The following REV3L variants were observed in gnomAD, a reference collection of about 807,000 sequenced individuals.
REV3L encodes REV3 like, DNA directed polymerase zeta catalytic subunit.
REV3L carries 69 observed loss-of-function variants against 299.4 expected under a neutral mutation model. The ratio of observed to expected loss-of-function variants is 0.23; its 90% CI spans 0.19 to 0.28. REV3L has a LOEUF of 0.28. REV3L is among the 10% of genes least tolerant of loss of function. REV3L has a pLI of 1.00. For synonymous variants in REV3L, 1,238 were observed against 1,271.4 expected, an observed-to-expected ratio of 0.97 and a Z score of 0.56; for missense variants, 3,128 against 3,693.8, an observed-to-expected ratio of 0.85 and a Z score of 3.97.
chr6:111,375,882 T>C lies in REV3L; in HGVS notation c.2473A>G (p.Asn825Asp). 6.2e-7 allele frequency: 1 copy of C among 1,614,016 alleles called. No individual in the cohort carries two copies. Among genetic ancestry groups the C allele is most frequent in the Non-Finnish European group, 8.5e-7 (1 of 1,179,918 alleles). The change falls in exon 13 of 32, where the codon AAT becomes GAT. Residue 825 changes from asparagine (N) to aspartate (D), a missense_variant. Asn to Asp is a conservative substitution (Grantham distance 23). Transcript: ENST00000368802. Reference sequence around the variant, plus strand: ...TTCAATTTTAACCGGGATGGTTTATTGCCAGGTTGTAATTTATATGTGACA... The same window carrying C: ...TTCAATTTTAACCGGGATGGTTTATCGCCAGGTTGTAATTTATATGTGACA... Reference protein sequence around the residue: ...SPVTYKLQPGNKPSRLKLNKR... With the variant: ...SPVTYKLQPGDKPSRLKLNKR...
At chr6:111,456,580 A>G (rs1024752513) in intron 1 of REV3L, among the ~76,000 whole-genome samples, 1 of 152,192 alleles carries the variant, frequency 6.6e-6, no homozygotes, top group African/African-American at 2.4e-5. Context: ...TGTAGAGTAT[A>G]ATGTATCAAG....
Position 111,374,335 on chromosome 6 carries a change from A to G in REV3L, c.4020T>C (p.His1340=). 2 of 1,614,010 alleles carry G rather than the reference A, an allele frequency of 1.2e-6. No individual in the cohort carries two copies. Among genetic ancestry groups the G allele is most frequent in the East Asian group, 4.5e-5 (2 of 44,876 alleles). ...GVSKINVQRP[H]NQSAMFTLKE... ...TTAGAGTAAACATAGCACTTTGATT[A>G]TGAGGCCTTTGAACATTAATTTTTG... The change falls in exon 13 of 32, where the codon CAT becomes CAC. Residue 1340 remains histidine, a synonymous_variant. Coordinates refer to ENST00000368802, the MANE Select transcript of REV3L (RefSeq NM_001372078.1).
At chr6:111,420,902 G>A (rs149181772) in intron 1 of REV3L, among the ~76,000 whole-genome samples, 4,577 of 152,154 alleles carry the variant, frequency 0.03, 81 homozygotes, top group South Asian at 0.078. Flanking sequence ...AGCACTTTGG[G>A]GGCTGAGGCA....
intron 1 of REV3L, chr6:111,430,813 C>T: frequency 6.2e-7 from 1 of 1,608,662 alleles, no homozygotes; most frequent in Non-Finnish European, 8.5e-7. Flanking sequence ...GAAAGCTGAC[C>T]AGGCGGCTTG....
intron 15 of REV3L, among the ~76,000 whole-genome samples, chr6:111,364,300 G>GT (rs17539770): frequency 0.11 from 16,375 of 152,074 alleles, 1,161 homozygotes; most frequent in Middle Eastern, 0.22. Flanking sequence ...TTTCTTGGAA[G>GT]TAAGAAAGAC....
intron 1 of REV3L, chr6:111,431,751 G>C: frequency 2.6e-6 from 2 of 776,492 alleles, no homozygotes; most frequent in South Asian, 2.8e-5. Flanking sequence ...CTAAAAAGAC[G>C]AATGTTGCTG....
chr6:111,379,669 T>C (rs1222201217), intron 11 of REV3L, among the ~76,000 whole-genome samples: 1 of 152,248 alleles, frequency 6.6e-6, no homozygotes. Context: ...TCACAGGGCA[T>C]TCTTTTTCTT....
chr6:111,367,222 G>A lies in REV3L; in HGVS notation c.6566C>T (p.Ala2189Val), dbSNP rs1259736048. 6.2e-7 allele frequency: 1 copy of A among 1,614,054 alleles called. No homozygotes were observed. The highest frequency in any genetic ancestry group is 2.2e-5 in the East Asian group (1 of 44,874). ...PLVISPINTR[A>V]RTGKCESLCF... ...AAGTGATTCACATTTCCCAGTTCTT[G>A]CCCTAGTATTAATTGGAGATATCAC... Residue 2189 changes from alanine (A) to valine (V), a missense_variant, in exon 14 of 32, where the codon GCA becomes GTA. Physicochemically the swap from Ala to Val is moderately conservative, Grantham distance 64. Around this residue, in one of 9 missense-constraint regions of REV3L, gnomAD observed 2,409 missense variants for 2,611.8 expected, o/e 0.92. Coordinates refer to ENST00000368802, the MANE Select transcript of REV3L (RefSeq NM_001372078.1).
In REV3L at chr6:111,399,889, A is replaced by G. The variant is rs572902369; in HGVS notation, c.565+5581T>C. On this transcript the variant is annotated intron_variant, in intron 4 of 31. Coordinates refer to ENST00000368802, the MANE Select transcript of REV3L (RefSeq NM_001372078.1). ...TACAGAATAATTCCTTCACTCTTAA[A>G]AAGTTCCCCTGTACATCCCCTTTGC... Among the ~76,000 whole-genome samples the G allele has an allele frequency of 9.2e-5, 14 of 152,226 alleles. No homozygotes were observed. In the South Asian group the frequency reaches 2.7e-3, roughly 29 times the overall value.
chr6:111,390,241 TCTTA>T (rs1264906343), intron 5 of REV3L, 61 bp from the exon 6 acceptor site: 3 of 1,020,640 alleles, frequency 2.9e-6, no homozygotes, highest in East Asian at 2.5e-5. Flanking sequence ...CTAACATTTT[TCTTA>T]CTTATACAAT....
chr6:111,301,111 T>C (rs562635856), intron 31 of REV3L, among the ~76,000 whole-genome samples: 1 of 152,234 alleles, frequency 6.6e-6, no homozygotes, highest in Non-Finnish European at 1.5e-5. Flanking sequence ...GTCTGTCTTA[T>C]GCAGTTGTAG....
At chr6:111,412,054 C>T (rs1582891019) in intron 2 of REV3L, 3 of 985,150 alleles carry the variant, frequency 3.0e-6, no homozygotes, top group African/African-American at 3.5e-5. Flanking sequence ...ACTTACATTA[C>T]TTTCCTTATT....
chr6:111,466,078 T>C (rs987361220), intron 1 of REV3L, among the ~76,000 whole-genome samples: 2 of 152,242 alleles, frequency 1.3e-5, no homozygotes, highest in African/African-American at 4.8e-5. Context: ...AGGGAAATTC[T>C]ATACCTGTTA....
At chr6:111,313,121 C>T (rs1773154885) in intron 28 of REV3L, 1 of 345,948 alleles carries the variant, frequency 2.9e-6, no homozygotes, top group African/African-American at 2.1e-5. Context: ...CAGGATTGGA[C>T]TACTGCACTC....
rs1220755973 is a variant in REV3L at position 111,308,407 on chromosome 6, C to A, written c.9043-837G>T. ...GTAACATATAGGTGGGCAAGATCAT[C>A]TAACACAAAGCCTATTTTATAATAA... On this transcript the variant is annotated intron_variant, in intron 30 of 31. Transcript: ENST00000368802. Among the ~76,000 whole-genome samples, 9 of 152,272 alleles carry A rather than the reference C, an allele frequency of 5.9e-5. No individual in the cohort carries two copies. The East Asian group carries it at 1.2e-3, about 20-fold the overall frequency.
chr6:111,363,911 T>C lies in REV3L; in HGVS notation c.6821A>G (p.Asn2274Ser), dbSNP rs766415215. 3 of 1,613,456 alleles carry C rather than the reference T, an allele frequency of 1.9e-6. No homozygotes were observed. The highest frequency in any genetic ancestry group is 1.6e-4 in the Middle Eastern group (1 of 6,076). Residue 2274 changes from asparagine (N) to serine (S), a missense_variant, in exon 16 of 32, where the codon AAT (asparagine) becomes AGT (serine). This residue lies in a region of REV3L where 2,409 missense variants were observed against 2,611.8 expected (regional missense o/e 0.92). Coordinates refer to ENST00000368802, the MANE Select transcript of REV3L (RefSeq NM_001372078.1). ...TATGCTGACTTTGAAACCGTAAGTA[T>C]TGTTTAAAGATGGTCCATCAATCTG... ...TSQIDGPSLN[N>S]TYGFKVSIQN...
chr6:111,409,324 T>C (rs1481182364), intron 3 of REV3L, among the ~76,000 whole-genome samples: 3 of 151,800 alleles, frequency 2.0e-5, no homozygotes, highest in Non-Finnish European at 4.4e-5. Context: ...AAATAATTTT[T>C]ACCATGTCCT....
At chr6:111,339,802 T>C (rs552480647) in intron 21 of REV3L, among the ~76,000 whole-genome samples, 2 of 152,324 alleles carry the variant, frequency 1.3e-5, no homozygotes, top group East Asian at 3.9e-4. Context: ...TTTCGGGTCC[T>C]ATCTGACTAA....
Position 111,300,864 on chromosome 6 carries a change from GAAC to G in REV3L, c.9253-711_9253-709del, listed in dbSNP as rs562848289. Reference sequence around the variant, plus strand: ...AATTGTTTGTAAAGCATGTGTGTTTGAACAATATGAAATCTGAGCACCTTGAAA... The same window carrying G: ...AATTGTTTGTAAAGCATGTGTGTTTGAATATGAAATCTGAGCACCTTGAAA... On this transcript the variant is annotated intron_variant, in intron 31 of 31. Transcript: ENST00000368802. 2.2e-3 allele frequency among the ~76,000 whole-genome samples: 342 copies of G among 152,246 alleles called. 1 individual carries two copies. The highest frequency in any genetic ancestry group is 7.8e-3 in the African/African-American group (322 of 41,534).
Sources: gnomAD v4.1 joint callset for allele counts (sites outside exome capture counted in the v4.1 genomes callset) on GRCh38, gnomAD v4.1.1 for gene constraint, gnomAD v4.1.1 regional missense constraint, MANE v1.5 for transcripts, NCBI Gene and HGNC (gene_info 2026-07-23, HGNC 2026-07-21) for gene names.